IFT140: variants seen among roughly 807,000 people sequenced by gnomAD.
IFT140 encodes intraflagellar transport 140.
In IFT140, 133 loss-of-function variants were observed where a neutral mutation model predicts 164.6. That is an observed-to-expected ratio of 0.81 (90% CI 0.70 to 0.93). The LOEUF (loss-of-function observed/expected upper bound fraction) is 0.93, where lower values mean the gene tolerates loss of function less well. Ranked by LOEUF, IFT140 falls within the 40% of genes least tolerant of loss-of-function variation. IFT140 has a pLI of 0.00. For synonymous variants in IFT140, 860 were observed against 817.3 expected (o/e 1.05, Z -0.89); for missense variants, 2,045 against 1,972.3 (o/e 1.04, Z -0.70).
At chr16:1,602,159 A>G (rs1389983049) in intron 4 of IFT140, 5 of 582,388 alleles carry the variant, frequency 8.6e-6, no homozygotes, top group Non-Finnish European at 6.1e-6. Context: ...TTCCCAGCAA[A>G]GTTCATTTAT....
At chr16:1,542,912 G>C (rs1468525424) in intron 19 of IFT140, among the ~76,000 whole-genome samples, 1 of 152,256 alleles carries the variant, frequency 6.6e-6, no homozygotes, top group Non-Finnish European at 1.5e-5. Flanking sequence ...GGGTGACAGT[G>C]ATGGAGTTGT....
intron 30 of IFT140, chr16:1,512,901 G>T (rs1289311573): frequency 1.3e-5 from 2 of 152,284 alleles, no homozygotes; most frequent in African/African-American, 4.8e-5. Context: ...GCAGAGGGGA[G>T]TGAGCAACCG....
intron 20 of IFT140, chr16:1,526,315 C>A (rs1349904012): frequency 8.5e-6 from 5 of 590,808 alleles, no homozygotes; most frequent in African/African-American, 5.6e-5. Context: ...CTCCCACAGC[C>A]CCCCCTCCCA....
intron 13 of IFT140, chr16:1,580,534 G>C: frequency 2.3e-6 from 1 of 442,236 alleles, no homozygotes; most frequent in Non-Finnish European, 4.1e-6. Context: ...CACCAGGATT[G>C]TAAGTTTCCT....
intron 26 of IFT140, among the ~76,000 whole-genome samples, chr16:1,521,361 G>A (rs1253120029): frequency 2.0e-5 from 3 of 149,322 alleles, no homozygotes; most frequent in Non-Finnish European, 3.0e-5. Flanking sequence ...CCACCGTGCC[G>A]GCCTGATTTT....
chr16:1,600,176 CAT>C (rs1042742335), intron 4 of IFT140, among the ~76,000 whole-genome samples: 4 of 145,958 alleles, frequency 2.7e-5, no homozygotes, highest in Non-Finnish European at 6.0e-5. Context: ...CTCTCTGAAA[CAT>C]GTGCTGTGTC....
At position 1,584,352 on chromosome 16, in the gene IFT140, G is replaced by T; in HGVS notation, c.1224C>A (p.Ala408=). The change falls in exon 11 of 31, where the codon GCC becomes GCA. Residue 408 remains alanine (A), a synonymous_variant. Coordinates refer to ENST00000426508, the MANE Select transcript of IFT140 (RefSeq NM_014714.4). Reference sequence around the variant, plus strand: ...CTTGCTGGTGGAAGTGTGACGACATGGCCCGCTCGCTGAGGATGGCCACGG... The same window carrying T: ...CTTGCTGGTGGAAGTGTGACGACATTGCCCGCTCGCTGAGGATGGCCACGG... ...VISVAILSER[A]MSSHFHQQVA... 6.2e-7 allele frequency: 1 copy of T among 1,613,310 alleles called. No homozygotes were observed.
intron 19 of IFT140, among the ~76,000 whole-genome samples, chr16:1,535,919 C>T (rs1394250121): frequency 3.9e-5 from 6 of 152,254 alleles, no homozygotes; most frequent in South Asian, 4.1e-4. Context: ...TGGGTCTCCG[C>T]GTGACTCCGG....
At chr16:1,590,828 TG>T (rs1359756903) in intron 6 of IFT140, among the ~76,000 whole-genome samples, 1 of 152,150 alleles carries the variant, frequency 6.6e-6, no homozygotes, top group African/African-American at 2.4e-5. Flanking sequence ...TAGAGTGACA[TG>T]ATCATAGCCC....
At chr16:1,552,748 A>G (rs1172383341) in intron 19 of IFT140, among the ~76,000 whole-genome samples, 1 of 148,894 alleles carries the variant, frequency 6.7e-6, no homozygotes, top group Non-Finnish European at 1.5e-5. Context: ...TCTTGGGTTC[A>G]AGCAATTCTC....
At chr16:1,575,371 T>C (rs914073090) in intron 13 of IFT140, among the ~76,000 whole-genome samples, 2 of 149,778 alleles carry the variant, frequency 1.3e-5, no homozygotes, top group African/African-American at 4.9e-5. Context: ...TGAGATCTTA[T>C]CTGTAAAAAA....
At chr16:1,589,430 A>T (rs933225271) in intron 7 of IFT140, among the ~76,000 whole-genome samples, 175 bp downstream of exon 7, 2 of 152,084 alleles carry the variant, frequency 1.3e-5, no homozygotes, top group African/African-American at 4.8e-5. Flanking sequence ...TCCTTCACCT[A>T]TGAATTGAAT....
chr16:1,587,500 C>T (rs907786162), intron 8 of IFT140, among the ~76,000 whole-genome samples, 196 bp from the exon 9 acceptor site: 1 of 152,184 alleles, frequency 6.6e-6, no homozygotes. Context: ...AAGCCGTTGC[C>T]GATAGATGGT....
At chr16:1,525,053 C>A in intron 22 of IFT140, 137 bp from the exon 23 acceptor site, 1 of 1,348,054 alleles carries the variant, frequency 7.4e-7, no homozygotes, top group South Asian at 1.4e-5. Flanking sequence ...GTGAGGACCC[C>A]TGGCTTTGTC....
chr16:1,553,321 T>G lies in IFT140; in HGVS notation c.2399+4614A>C. The G allele has an allele frequency of 1.0e-6, 1 of 985,260 alleles. No individual in the cohort carries two copies. The highest frequency in any genetic ancestry group is 4.7e-5 in the South Asian group (1 of 21,284). The allele number at this position is 985,260 out of a possible 1,614,324, so 61.0% of individuals were successfully genotyped here. A position where few individuals can be genotyped will look rare whatever the true frequency, so the allele number is the denominator to read the frequency against. ...CTCTCTGTGTCTCTGTCTCTGTGTC[T>G]CTGTCCCTGTGTCTCTTTTTCTCCC... On this transcript the variant is annotated intron_variant, in intron 19 of 30. Coordinates refer to ENST00000426508, the MANE Select transcript of IFT140 (RefSeq NM_014714.4). The surrounding 1 kb of genome is among the most constrained non-coding windows in gnomAD (Gnocchi z 4.4).
At chr16:1,601,263 CAAAAA>C (rs965825314) in intron 4 of IFT140, among the ~76,000 whole-genome samples, 175 of 55,284 alleles carry the variant, frequency 3.2e-3, no homozygotes, top group Non-Finnish European at 5.9e-3. Context: ...GATTCCATCA[CAAAAA>C]AAAAAAAAAA....
At position 1,598,419 on chromosome 16, in the gene IFT140, C is replaced by T. The variant is rs1596452560; in HGVS notation, c.369+3951G>A. On this transcript the variant is annotated intron_variant, in intron 4 of 30. Coordinates refer to ENST00000426508, the MANE Select transcript of IFT140 (RefSeq NM_014714.4). Reference sequence around the variant, plus strand: ...CTTGCAGGGAGCCGAGATGGCGCCACTGCACTCCAGCCTGAGCGACAGAGT... The same window carrying T: ...CTTGCAGGGAGCCGAGATGGCGCCATTGCACTCCAGCCTGAGCGACAGAGT... Among the ~76,000 whole-genome samples the T allele has an allele frequency of 4.6e-5, 7 of 152,172 alleles. 1 individual carries two copies. The highest frequency in any genetic ancestry group is 2.6e-4 in the Admixed American group (4 of 15,294).
rs1247825337 is a variant in IFT140, at chr16:1,551,222, GC to G, written c.2399+6712del. Among the ~76,000 whole-genome samples the G allele has an allele frequency of 6.6e-6, 1 of 152,264 alleles. No homozygotes were observed. The highest frequency in any genetic ancestry group is 1.5e-5 in the Non-Finnish European group (1 of 68,050). On this transcript the variant is annotated intron_variant, in intron 19 of 30. Transcript: ENST00000426508. The surrounding 1 kb of genome is among the most constrained non-coding windows in gnomAD (Gnocchi z 4.0). ...GGCAAGTTCTGGCCCCGGGGAGCCT[GC>G]CCTGTGGCGGGGGAGAGCGGCCAGA...
At chr16:1,552,951 T>A (rs1229804937) in intron 19 of IFT140, 1 of 984,720 alleles carries the variant, frequency 1.0e-6, no homozygotes, top group Non-Finnish European at 1.2e-6. Flanking sequence ...CTGTGCCTTG[T>A]CTAGAATGTT....
Sources: gnomAD v4.1 joint callset for allele counts (sites outside exome capture counted in the v4.1 genomes callset) on GRCh38, gnomAD v4.1.1 for gene constraint, Gnocchi (gnomAD v3.1) non-coding constraint, MANE v1.5 for transcripts, NCBI Gene and HGNC (gene_info 2026-07-23, HGNC 2026-07-21) for gene names.